NSG1: variants seen among roughly 807,000 people sequenced by gnomAD.
NSG1 encodes neuronal vesicle trafficking-associated protein 1.
A neutral mutation model predicts 19.3 loss-of-function variants in NSG1; 9 were observed. The observed-to-expected ratio is 0.47, with a 90% CI of 0.28 to 0.81. The LOEUF (loss-of-function observed/expected upper bound fraction) is 0.81, where lower values mean the gene tolerates loss of function less well. Ranked by LOEUF, NSG1 falls within the 40% of genes least tolerant of loss-of-function variation. The probability of loss-of-function intolerance (pLI) is 0.11; values close to 1 mark genes in which losing one functional copy is unlikely to be tolerated. For missense variants in NSG1, 236 were observed against 242.4 expected, an observed-to-expected ratio of 0.97 and a Z score of 0.18; for synonymous variants, 104 against 107.0, an observed-to-expected ratio of 0.97 and a Z score of 0.17.
In NSG1 at chr4:4,417,344, G is replaced by T; in HGVS notation, c.467G>T (p.Ser156Ile). 6.2e-7 allele frequency: 1 copy of T among 1,614,206 alleles called. No homozygotes were observed. The highest frequency in any genetic ancestry group is 1.1e-5 in the South Asian group (1 of 91,082). The change falls in exon 5 of 5, where the codon AGC becomes ATC. Residue 156 changes from serine to isoleucine, a missense_variant. Transcript: ENST00000621129. Reference sequence around the variant, plus strand: ...AACCACTACAACCTGGCCAAGCAGAGCATCACGCGCTCCGTATCGCCCTGG... The same window carrying T: ...AACCACTACAACCTGGCCAAGCAGATCATCACGCGCTCCGTATCGCCCTGG... ...VINHYNLAKQ[S>I]ITRSVSPWMS... is the part of the protein sequence containing the mutation.
intron 3 of NSG1, among the ~76,000 whole-genome samples, chr4:4,405,451 C>T (rs1260165155): frequency 6.6e-6 from 1 of 152,198 alleles, no homozygotes; most frequent in East Asian, 1.9e-4. Flanking sequence ...TGTCCTTCTC[C>T]TGAGATGCGT....
Position 4,417,116 on chromosome 4 carries a change from A to G in NSG1, c.358-119A>G, listed in dbSNP as rs1724589234. ...AGATCCATGCCCGTTTTTGCTCATC[A>G]CTGTATCTATTCCTCCAAGCTCAGG... On this transcript the variant is annotated intron_variant, in intron 4 of 4. Coordinates refer to ENST00000621129, the MANE Select transcript of NSG1 (RefSeq NM_014392.5). 3 of 816,114 alleles carry G rather than the reference A, an allele frequency of 3.7e-6. No individual in the cohort carries two copies. The Admixed American group carries it at 6.0e-5, about 16-fold the overall frequency. 50.6% of individuals were successfully genotyped at this position (816,114 alleles called of 1,614,324 possible). A position where few individuals can be genotyped will look rare whatever the true frequency, so the allele number is the denominator to read the frequency against.
rs745630280 is a variant in NSG1 at position 4,391,478 on chromosome 4, G to A, written c.133G>A (p.Val45Ile). 2 of 1,606,464 alleles carry A rather than the reference G, an allele frequency of 1.2e-6. No individual in the cohort carries two copies. The highest frequency in any genetic ancestry group is 1.7e-5 in the Admixed American group (1 of 58,328). Residue 45 changes from valine (V) to isoleucine (I), a missense_variant, in exon 3 of 5, where the codon GTC (valine) becomes ATC (isoleucine). Transcript: ENST00000621129. ...QLQFPPPDKV[V>I]VKTKTEYEPD... ...GTTTCTCTGTTTCCTGGATAAGGTG[G>A]TCGTGAAAACTAAGACCGAGTATGA...
chr4:4,391,710 G>T (rs543385045), intron 3 of NSG1, 119 bp downstream of exon 3: 6 of 581,954 alleles, frequency 1.0e-5, no homozygotes, highest in Non-Finnish European at 1.8e-5. Flanking sequence ...GCTCATCCCA[G>T]CTGTGCACAC....
intron 2 of NSG1, among the ~76,000 whole-genome samples, chr4:4,388,938 T>G: frequency 6.6e-6 from 1 of 152,200 alleles, no homozygotes; most frequent in East Asian, 1.9e-4. Flanking sequence ...CCACTGATGG[T>G]CCAGGCTAGG....
rs1339953013 is a variant in NSG1, at chr4:4,418,995, CTG to C, written c.*1563_*1564del. On this transcript the variant is annotated 3_prime_UTR_variant, in exon 5 of 5. Coordinates refer to ENST00000621129, the MANE Select transcript of NSG1 (RefSeq NM_014392.5). ...TCCAGGTAGACGTGGACTTTATTGA[CTG>C]TGAATTCATTTACATGTAACTTCTG... The C allele has an allele frequency of 2.0e-5, 3 of 152,240 alleles. No homozygotes were observed. The highest frequency in any genetic ancestry group is 7.2e-5 in the African/African-American group (3 of 41,444). 9.4% of individuals were successfully genotyped at this position (152,240 alleles called of 1,614,324 possible).
chr4:4,398,709 G>T (rs1490733960), intron 3 of NSG1, among the ~76,000 whole-genome samples: 1 of 152,202 alleles, frequency 6.6e-6, no homozygotes, highest in East Asian at 1.9e-4. Context: ...CATTTGGGTT[G>T]TTTCCACATT....
chr4:4,414,783 A>C (rs186039243), intron 4 of NSG1, among the ~76,000 whole-genome samples: 201 of 152,162 alleles, frequency 1.3e-3, no homozygotes, highest in African/African-American at 4.2e-3. Flanking sequence ...CTATGTGCAC[A>C]CTGGACTCGA....
rs1003477612 is a variant in NSG1 at position 4,417,864 on chromosome 4, C to T, written c.*429C>T. On this transcript the variant is annotated 3_prime_UTR_variant, in exon 5 of 5. Coordinates refer to ENST00000621129, the MANE Select transcript of NSG1 (RefSeq NM_014392.5). ...CGCTGTGCTAAGAGCAAGCCTACTT[C>T]GCATTTCTTCCTCGGCCATCAGCGG... is the stretch of plus-strand genomic sequence containing the variant. The T allele has an allele frequency of 6.5e-5, 16 of 246,208 alleles. No homozygotes were observed. The highest frequency in any genetic ancestry group is 2.1e-4 in the African/African-American group (9 of 42,976). The allele number at this position is 246,208 out of a possible 1,614,324, so 15.3% of individuals were successfully genotyped here. A position where few individuals can be genotyped will look rare whatever the true frequency, so the allele number is the denominator to read the frequency against.
intron 4 of NSG1, among the ~76,000 whole-genome samples, chr4:4,410,036 G>A (rs549577806): frequency 1.3e-5 from 2 of 152,228 alleles, no homozygotes; most frequent in African/African-American, 4.8e-5. Flanking sequence ...GGGGGAGGGA[G>A]GGAGAGAGAC....
intron 2 of NSG1, among the ~76,000 whole-genome samples, chr4:4,390,069 A>T (rs1722918797): frequency 6.6e-6 from 1 of 152,076 alleles, no homozygotes; most frequent in Non-Finnish European, 1.5e-5. Context: ...CATACGGGAG[A>T]GGTTTCCATG....
intron 3 of NSG1, among the ~76,000 whole-genome samples, chr4:4,394,557 G>T (rs1443797394): frequency 6.6e-6 from 1 of 152,120 alleles, no homozygotes; most frequent in African/African-American, 2.4e-5. Context: ...ACCTGAACTG[G>T]TGACCCGAGG....
intron 3 of NSG1, among the ~76,000 whole-genome samples, chr4:4,405,055 C>G (rs962492661): frequency 2.0e-5 from 3 of 152,162 alleles, no homozygotes; most frequent in Non-Finnish European, 4.4e-5. Context: ...GGACTCAGAG[C>G]AACAGAAATT....
At chr4:4,406,107 A>G (rs1723839384) in intron 3 of NSG1, among the ~76,000 whole-genome samples, 1 of 152,170 alleles carries the variant, frequency 6.6e-6, no homozygotes, top group Non-Finnish European at 1.5e-5. Flanking sequence ...GGCTCACTGC[A>G]ACCTCCACCT....
At chr4:4,388,393 C>A (rs1056239459) in intron 2 of NSG1, among the ~76,000 whole-genome samples, 8 of 152,242 alleles carry the variant, frequency 5.3e-5, no homozygotes, top group Non-Finnish European at 1.0e-4. Context: ...ATTCATCAAC[C>A]TTTCCCCAAA....
At position 4,402,741 on chromosome 4, in the gene NSG1, G is replaced by A. The variant is rs188838788; in HGVS notation, c.247-6832G>A. ...TGAACAGGTTCATGGGTTCCTGCAG[G>A]CACGGTGGGCCCGGGTGTGGGCCCC... On this transcript the variant is annotated intron_variant, in intron 3 of 4. Transcript: ENST00000621129. Among the ~76,000 whole-genome samples the A allele has an allele frequency of 4.6e-3, 699 of 152,298 alleles. 22 individuals are homozygous for A. Among genetic ancestry groups the A allele is most frequent in the Admixed American group, 0.042 (645 of 15,304 alleles).
At chr4:4,389,852 T>C (rs1004380928) in intron 2 of NSG1, among the ~76,000 whole-genome samples, 25 of 152,234 alleles carry the variant, frequency 1.6e-4, no homozygotes, top group Non-Finnish European at 3.1e-4. Flanking sequence ...CAGACACTTA[T>C]TCTGCACCAG....
At chr4:4,410,407 G>A (rs905960628) in intron 4 of NSG1, among the ~76,000 whole-genome samples, 4 of 152,224 alleles carry the variant, frequency 2.6e-5, no homozygotes, top group South Asian at 2.1e-4. Flanking sequence ...TGAGAAACGC[G>A]TTGTTAGGCG....
chr4:4,399,287 C>A (rs1464764975), intron 3 of NSG1, among the ~76,000 whole-genome samples: 5 of 152,106 alleles, frequency 3.3e-5, no homozygotes, highest in African/African-American at 4.8e-5. Flanking sequence ...GGACTACAGG[C>A]ATTCACCACC....
Sources: gnomAD v4.1 joint callset for allele counts (sites outside exome capture counted in the v4.1 genomes callset) on GRCh38, gnomAD v4.1.1 for gene constraint, MANE v1.5 for transcripts, NCBI Gene and HGNC (gene_info 2026-07-23, HGNC 2026-07-21) for gene names.